The following RFX3 variants were observed in gnomAD, a reference collection of about 807,000 sequenced individuals.
The protein encoded by RFX3 is regulatory factor X3, also known as transcription factor RFX3.
Under a neutral mutation model 98.6 loss-of-function variants are expected in RFX3, and 14 were observed. The ratio of observed to expected loss-of-function variants is 0.14; its 90% CI spans 0.09 to 0.22. RFX3 has a LOEUF of 0.22. Among genes scored for constraint, RFX3 ranks in the 10% least tolerant of loss-of-function variants. The pLI, the probability that RFX3 is intolerant of heterozygous loss-of-function variation, is 1.00. For missense variants in RFX3, 639 were observed against 926.9 expected (o/e 0.69, Z 4.03); for synonymous variants, 383 against 328.4 (o/e 1.17, Z -1.80).
At chr9:3,387,781 GA>G (rs1200446532) in intron 2 of RFX3, among the ~76,000 whole-genome samples, 3 of 151,944 alleles carry the variant, frequency 2.0e-5, no homozygotes, top group African/African-American at 7.3e-5. Flanking sequence ...GCAAACCGGA[GA>G]AAAATGCCTT....
intron 1 of RFX3, among the ~76,000 whole-genome samples, chr9:3,504,900 T>A (rs1160622611): frequency 1.6e-5 from 1 of 62,702 alleles, no homozygotes; most frequent in Non-Finnish European, 2.4e-5. Context: ...ATAACATATA[T>A]TATATATATA....
intron 1 of RFX3, among the ~76,000 whole-genome samples, chr9:3,500,420 T>C (rs1323427953): frequency 6.6e-6 from 1 of 152,140 alleles, no homozygotes; most frequent in Admixed American, 6.6e-5. Flanking sequence ...AAAACAAATA[T>C]GAAAGTTTAT....
At chr9:3,282,456 G>A (rs529434082) in intron 7 of RFX3, among the ~76,000 whole-genome samples, 1 of 151,902 alleles carries the variant, frequency 6.6e-6, no homozygotes, top group South Asian at 2.1e-4. Context: ...TGGGCTATAT[G>A]TTAACTGCAG....
chr9:3,372,207 T>C (rs1181063148), intron 2 of RFX3, among the ~76,000 whole-genome samples: 1 of 152,216 alleles, frequency 6.6e-6, no homozygotes, highest in Non-Finnish European at 1.5e-5. Context: ...TGTATCTCTC[T>C]GCCTATGACC....
rs928933070 is a variant in RFX3, at chr9:3,433,612, G to A, written c.-8-38016C>T. Among the ~76,000 whole-genome samples, 8 of 152,176 alleles carry A rather than the reference G, an allele frequency of 5.3e-5. No individual in the cohort carries two copies. In the South Asian group the frequency reaches 6.2e-4, roughly 12 times the overall value. On this transcript the variant is annotated intron_variant, in intron 1 of 16. Transcript: ENST00000617270. ...TGTTGCCACCCCAAACCACTACACT[G>A]TTCAAGGGTCAACTGTATTTCATTT...
At chr9:3,255,795 G>T (rs1013718947) in intron 14 of RFX3, among the ~76,000 whole-genome samples, 1 of 151,886 alleles carries the variant, frequency 6.6e-6, no homozygotes, top group South Asian at 2.1e-4. Flanking sequence ...TTTCTTCTGG[G>T]TGCTTCTATG....
At chr9:3,383,241 A>C (rs895852729) in intron 2 of RFX3, among the ~76,000 whole-genome samples, 6 of 152,094 alleles carry the variant, frequency 3.9e-5, no homozygotes, top group African/African-American at 1.4e-4. Flanking sequence ...TTCAAGGATC[A>C]CTTTTTTAAA....
intron 7 of RFX3, among the ~76,000 whole-genome samples, chr9:3,281,394 A>G (rs1307686703): frequency 6.6e-6 from 1 of 151,396 alleles, no homozygotes; most frequent in Non-Finnish European, 1.5e-5. Flanking sequence ...TTCCTGTTGA[A>G]TCCTTTAAAA....
intron 1 of RFX3, among the ~76,000 whole-genome samples, chr9:3,447,194 T>C (rs1238375671): frequency 6.6e-6 from 1 of 152,152 alleles, no homozygotes; most frequent in Non-Finnish European, 1.5e-5. Context: ...AAGCATTCCT[T>C]TCTGAAGAAT....
rs536611758 is a variant in RFX3, at chr9:3,320,841, C to G, written c.474+9418G>C. Among the ~76,000 whole-genome samples the G allele has an allele frequency of 3.7e-5, 5 of 136,234 alleles. No homozygotes were observed. In the East Asian group the frequency reaches 1.1e-3, roughly 31 times the overall value. The allele number at this position is 136,234 out of a possible 152,430, so 89.4% of individuals were successfully genotyped here. The stretch of plus-strand genomic sequence containing the variant: ...CATTATCTAGGGGCTACATGTAATT[C>G]CACTTAAGAGATAAAAGTACTAACG... On this transcript the variant is annotated intron_variant, in intron 4 of 16. Coordinates refer to ENST00000617270, the MANE Select transcript of RFX3 (RefSeq NM_001282116.2).
chr9:3,313,497 G>T (rs1448857186), intron 4 of RFX3, among the ~76,000 whole-genome samples: 1 of 152,198 alleles, frequency 6.6e-6, no homozygotes, highest in Non-Finnish European at 1.5e-5. Flanking sequence ...GCCAGCAACG[G>T]AACAAAGCTG....
intron 3 of RFX3, among the ~76,000 whole-genome samples, chr9:3,343,998 T>A (rs1301053656): frequency 1.3e-5 from 2 of 152,206 alleles, no homozygotes. Context: ...TTAAAGAACC[T>A]ACCTTACAAA....
At chr9:3,389,158 C>T (rs1840025701) in intron 2 of RFX3, among the ~76,000 whole-genome samples, 1 of 152,134 alleles carries the variant, frequency 6.6e-6, no homozygotes, top group African/African-American at 2.4e-5. Context: ...GAAAACTAAT[C>T]TGGCTGGCCA....
chr9:3,228,876 T>C lies in RFX3; in HGVS notation c.1982A>G (p.Asn661Ser). 2 of 1,611,004 alleles carry C rather than the reference T, an allele frequency of 1.2e-6. No homozygotes were observed. The highest frequency in any genetic ancestry group is 1.7e-6 in the Non-Finnish European group (2 of 1,178,934). The change falls in exon 16 of 17, where the codon AAT (asparagine) becomes AGT (serine). Residue 661 changes from asparagine to serine, a missense_variant. Around this residue, in one of 9 missense-constraint regions of RFX3, gnomAD observed 129 missense variants for 124.6 expected, o/e 1.04. Transcript: ENST00000617270. Reference protein sequence around the residue: ...IAVMGEFGDLNAVSPGNLDKD... With the variant: ...IAVMGEFGDLSAVSPGNLDKD... ...ATCCAGATTTCCAGGAGACACGGCA[T>C]TTAAATCACCAAACTGCAAAACAAT...
intron 2 of RFX3, among the ~76,000 whole-genome samples, chr9:3,389,957 A>T (rs1002964738): frequency 2.6e-5 from 4 of 152,186 alleles, no homozygotes; most frequent in African/African-American, 9.6e-5. Context: ...AGAAAGTGTG[A>T]CAAATGGATA....
intron 2 of RFX3, among the ~76,000 whole-genome samples, chr9:3,371,646 A>G (rs1388125004): frequency 6.6e-6 from 1 of 152,204 alleles, no homozygotes; most frequent in Non-Finnish European, 1.5e-5. Flanking sequence ...CAACTTAAGT[A>G]AGATGAAAAG....
intron 1 of RFX3, among the ~76,000 whole-genome samples, chr9:3,435,860 G>A (rs1170515501): frequency 3.4e-5 from 5 of 145,924 alleles, no homozygotes; most frequent in Non-Finnish European, 6.0e-5. Flanking sequence ...TGGGGCCACA[G>A]CAGCCAAATT....
chr9:3,240,062 G>C (rs559832039), intron 15 of RFX3, among the ~76,000 whole-genome samples: 1 of 152,326 alleles, frequency 6.6e-6, no homozygotes, highest in African/African-American at 2.4e-5. Flanking sequence ...ATATAAGATG[G>C]GGAGTGATGA....
At chr9:3,393,048 G>T (rs1840476016) in intron 2 of RFX3, among the ~76,000 whole-genome samples, 2 of 139,990 alleles carry the variant, frequency 1.4e-5, no homozygotes, top group South Asian at 5.4e-4. Context: ...GGACAGGAAG[G>T]GTGGGTGGGC....
Sources: gnomAD v4.1 joint callset for allele counts (sites outside exome capture counted in the v4.1 genomes callset) on GRCh38, gnomAD v4.1.1 for gene constraint, gnomAD v4.1.1 regional missense constraint, MANE v1.5 for transcripts, NCBI Gene and HGNC (gene_info 2026-07-23, HGNC 2026-07-21) for gene names.